The following ADAMTSL1 variants were observed in gnomAD, a reference collection of about 807,000 sequenced individuals.
The protein encoded by ADAMTSL1 is ADAMTS like 1, also known as ADAMTS-like protein 1.
A neutral mutation model predicts 201.8 loss-of-function variants in ADAMTSL1; 126 were observed. That is an observed-to-expected ratio of 0.62 (90% CI 0.54 to 0.72). ADAMTSL1 has a LOEUF of 0.72. Ranked by LOEUF, ADAMTSL1 falls within the 30% of genes least tolerant of loss-of-function variation. The probability of loss-of-function intolerance (pLI) is 0.00; values close to 1 mark genes in which losing one functional copy is unlikely to be tolerated. For missense variants in ADAMTSL1, 2,679 were observed against 2,277.8 expected (o/e 1.18, Z -3.59); for synonymous variants, 1,121 against 903.4 (o/e 1.24, Z -4.32).
intron 2 of ADAMTSL1, among the ~76,000 whole-genome samples, chr9:18,225,424 A>T (rs1397351591): frequency 1.3e-5 from 2 of 152,206 alleles, no homozygotes; most frequent in South Asian, 4.1e-4. Context: ...AAATTTCTCC[A>T]TAGTGGATTT....
chr9:18,294,826 G>A (rs1350433102), intron 2 of ADAMTSL1, among the ~76,000 whole-genome samples: 2 of 152,224 alleles, frequency 1.3e-5, no homozygotes, highest in African/African-American at 2.4e-5. Flanking sequence ...CTGAACAAGT[G>A]TTTTATGGGA....
intron 1 of ADAMTSL1, among the ~76,000 whole-genome samples, chr9:18,044,346 C>T (rs1821568861): frequency 6.6e-6 from 1 of 151,996 alleles, no homozygotes; most frequent in African/African-American, 2.4e-5. Flanking sequence ...GAAACACCAG[C>T]AAAGACACAG....
intron 19 of ADAMTSL1, among the ~76,000 whole-genome samples, chr9:18,784,812 T>A (rs1035529193): frequency 2.6e-5 from 4 of 152,178 alleles, no homozygotes; most frequent in Non-Finnish European, 4.4e-5. Context: ...ATTTTACCGA[T>A]ATTGGAGTTG....
chr9:18,468,245 G>A (rs1821080339), intron 2 of ADAMTSL1, among the ~76,000 whole-genome samples: 2 of 152,070 alleles, frequency 1.3e-5, no homozygotes, highest in Non-Finnish European at 2.9e-5. Context: ...GAAGATCAAG[G>A]ACCGCAGGTT....
At chr9:18,876,108 C>T (rs972964930) in intron 23 of ADAMTSL1, among the ~76,000 whole-genome samples, 1 of 152,060 alleles carries the variant, frequency 6.6e-6, no homozygotes, top group African/African-American at 2.4e-5. Context: ...TTTTCTACCC[C>T]TTTACCTTAA....
chr9:18,044,324 A>G (rs1484248499), intron 1 of ADAMTSL1, among the ~76,000 whole-genome samples: 1 of 152,060 alleles, frequency 6.6e-6, no homozygotes, highest in Non-Finnish European at 1.5e-5. Flanking sequence ...TGATAGAAAT[A>G]AAGAGGCTAT....
intron 23 of ADAMTSL1, among the ~76,000 whole-genome samples, chr9:18,851,084 A>G (rs1826463151): frequency 6.6e-6 from 1 of 152,160 alleles, no homozygotes. Flanking sequence ...TCCATAAATT[A>G]TAGGATCAGA....
intron 1 of ADAMTSL1, among the ~76,000 whole-genome samples, chr9:18,126,285 G>A (rs1377620039): frequency 6.6e-6 from 1 of 152,168 alleles, no homozygotes; most frequent in African/African-American, 2.4e-5. Flanking sequence ...TCCAGATCAA[G>A]TATCCCAGAA....
intron 2 of ADAMTSL1, among the ~76,000 whole-genome samples, chr9:18,382,219 A>G (rs998491645): frequency 6.6e-6 from 1 of 152,176 alleles, no homozygotes; most frequent in African/African-American, 2.4e-5. Flanking sequence ...GCTGGCAAAT[A>G]CAAAAGGGTG....
At chr9:18,696,737 C>G (rs541325354) in intron 13 of ADAMTSL1, among the ~76,000 whole-genome samples, 1 of 151,742 alleles carries the variant, frequency 6.6e-6, no homozygotes, top group Non-Finnish European at 1.5e-5. Flanking sequence ...AGCAGTGTGG[C>G]CTTAGAAATC....
At chr9:18,583,700 G>A (rs529907820) in intron 4 of ADAMTSL1, among the ~76,000 whole-genome samples, 1 of 152,140 alleles carries the variant, frequency 6.6e-6, no homozygotes, top group Non-Finnish European at 1.5e-5. Context: ...GCCCTGCAGA[G>A]CCACCAGGAC....
At chr9:18,101,269 G>A (rs917879274) in intron 1 of ADAMTSL1, among the ~76,000 whole-genome samples, 3 of 152,042 alleles carry the variant, frequency 2.0e-5, no homozygotes, top group Non-Finnish European at 4.4e-5. Context: ...AGGCTGAGGC[G>A]GGCAGATCAC....
At chr9:18,500,583 G>A (rs1822780084) in intron 1 of ADAMTSL1, among the ~76,000 whole-genome samples, 1 of 151,984 alleles carries the variant, frequency 6.6e-6, no homozygotes, top group African/African-American at 2.4e-5. Context: ...ATAACTCAAG[G>A]GGCCTAGTCA....
At chr9:18,714,367 A>G (rs1832788826) in intron 14 of ADAMTSL1, among the ~76,000 whole-genome samples, 1 of 152,210 alleles carries the variant, frequency 6.6e-6, no homozygotes, top group Non-Finnish European at 1.5e-5. Flanking sequence ...ACTAATAAAG[A>G]AAAAAAGAAG....
intron 1 of ADAMTSL1, among the ~76,000 whole-genome samples, chr9:18,055,361 T>C (rs377022003): frequency 4.6e-5 from 7 of 152,268 alleles, no homozygotes; most frequent in South Asian, 2.1e-4. Flanking sequence ...CTTTCCTCCA[T>C]GTGGTAAATG....
intron 2 of ADAMTSL1, among the ~76,000 whole-genome samples, chr9:18,408,611 C>T (rs902952331): frequency 1.3e-5 from 2 of 152,214 alleles, no homozygotes; most frequent in African/African-American, 4.8e-5. Flanking sequence ...ATGGATGAGG[C>T]AGACCCTACT....
rs368670565 is a variant in ADAMTSL1 at position 18,657,649 on chromosome 9, C to T, written c.845C>T (p.Ser282Leu). ...TGTTGACTCCTGCAGATTCGTAACTCGGGCTCCGCTGACAGTACAGTCCAG... is the reference window on the plus strand; with the variant it reads ...TGTTGACTCCTGCAGATTCGTAACTTGGGCTCCGCTGACAGTACAGTCCAG... ...TADFIVKIRN[S>L]GSADSTVQFI... The change falls in exon 8 of 29, where the codon TCG becomes TTG. Residue 282 changes from serine (S) to leucine (L), a missense_variant. By Grantham distance (145) the Ser-to-Leu change is moderately radical. Coordinates refer to ENST00000380548, the MANE Select transcript of ADAMTSL1 (RefSeq NM_001040272.6). 3.1e-6 allele frequency: 5 copies of T among 1,613,860 alleles called. No homozygotes were observed. In the Admixed American group the frequency reaches 5.0e-5, roughly 16 times the overall value.
At chr9:18,502,831 T>G (rs1174537869) in intron 1 of ADAMTSL1, among the ~76,000 whole-genome samples, 4 of 152,056 alleles carry the variant, frequency 2.6e-5, no homozygotes, top group African/African-American at 9.7e-5. Context: ...GTGTCTCAAC[T>G]AAACTCAAAG....
rs530306010 is a variant in ADAMTSL1 at position 18,168,139 on chromosome 9, G to C, written c.207+4158G>C. On this transcript the variant is annotated intron_variant, in intron 2 of 29. Transcript: ENST00000680146. ...ACTAGTTTTTTTTTTAATACTTTAA[G>C]TTTTAGGATACATGTGCACAACGTG... is the stretch of plus-strand genomic sequence containing the variant. Among the ~76,000 whole-genome samples the C allele has an allele frequency of 4.6e-5, 7 of 151,910 alleles. No homozygotes were observed. In the East Asian group the frequency reaches 7.8e-4, roughly 17 times the overall value.
Sources: gnomAD v4.1 joint callset for allele counts (sites outside exome capture counted in the v4.1 genomes callset) on GRCh38, gnomAD v4.1.1 for gene constraint, MANE v1.5 for transcripts, NCBI Gene and HGNC (gene_info 2026-07-23, HGNC 2026-07-21) for gene names.